The following KCNH8 variants were observed in gnomAD, a reference collection of about 807,000 sequenced individuals.
KCNH8 encodes the protein voltage-gated delayed rectifier potassium channel KCNH8.
Under a neutral mutation model 103.6 loss-of-function variants are expected in KCNH8, and 70 were observed. That is an observed-to-expected ratio of 0.68 (90% CI 0.56 to 0.82). The LOEUF is 0.82. Among genes scored for constraint, KCNH8 ranks in the 40% least tolerant of loss-of-function variants. The probability of loss-of-function intolerance (pLI) is 0.00; values close to 1 mark genes in which losing one functional copy is unlikely to be tolerated. For synonymous variants in KCNH8, 498 were observed against 489.4 expected, an observed-to-expected ratio of 1.02 and a Z score of -0.23; for missense variants, 1,217 against 1,329.9, an observed-to-expected ratio of 0.92 and a Z score of 1.32.
Position 19,533,437 on chromosome 3 carries a change from A to T in KCNH8, c.2662A>T (p.Met888Leu). The change falls in exon 16 of 16, where the codon ATG becomes TTG. Residue 888 changes from methionine (M) to leucine (L), a missense_variant. Physicochemically the swap from Met to Leu is conservative, Grantham distance 15. Around this residue, in one of 3 missense-constraint regions of KCNH8, gnomAD observed 558 missense variants for 495.8 expected, o/e 1.13. Coordinates refer to ENST00000328405, the MANE Select transcript of KCNH8 (RefSeq NM_144633.3). ...GGAAGTTTCTCAGTTGGGTAAAGAC[A>T]TGAGAAATGTGATCCAGCTTCTGGA... ...TQEVSQLGKD[M>L]RNVIQLLENV... 1 of 1,614,144 alleles carries T rather than the reference A, an allele frequency of 6.2e-7. No individual in the cohort carries two copies. Among genetic ancestry groups the T allele is most frequent in the Non-Finnish European group, 8.5e-7 (1 of 1,180,004 alleles).
At chr3:19,435,709 C>G (rs2067189070) in intron 7 of KCNH8, among the ~76,000 whole-genome samples, 1 of 152,174 alleles carries the variant, frequency 6.6e-6, no homozygotes, top group Admixed American at 6.5e-5. Flanking sequence ...TCTGATTTAA[C>G]AAGCTTATCT....
At chr3:19,368,130 TTTAA>T (rs1206687714) in intron 5 of KCNH8, among the ~76,000 whole-genome samples, 1 of 152,076 alleles carries the variant, frequency 6.6e-6, no homozygotes, top group South Asian at 2.1e-4. Flanking sequence ...TGCTAAATAC[TTTAA>T]TTATATCAGG....
Position 19,438,649 on chromosome 3 carries a change from T to A in KCNH8, c.1375+288T>A, listed in dbSNP as rs2067235744. 2.0e-5 allele frequency among the ~76,000 whole-genome samples: 3 copies of A among 152,160 alleles called. No homozygotes were observed. The South Asian group carries it at 6.2e-4, about 32-fold the overall frequency. On this transcript the variant is annotated intron_variant, in intron 8 of 15. Transcript: ENST00000328405. Reference sequence around the variant, plus strand: ...ATCATTACCTCATCCAGCTTACTGTTTTATCCTGCAAAGGTAAGATGAAGT... The same window carrying A: ...ATCATTACCTCATCCAGCTTACTGTATTATCCTGCAAAGGTAAGATGAAGT...
chr3:19,469,508 C>T (rs567952059), intron 11 of KCNH8, among the ~76,000 whole-genome samples: 2 of 152,134 alleles, frequency 1.3e-5, no homozygotes, highest in Non-Finnish European at 2.9e-5. Context: ...GGCGCGATCT[C>T]GGCTCACTGC....
intron 2 of KCNH8, among the ~76,000 whole-genome samples, chr3:19,258,968 T>G (rs1471514384): frequency 7.3e-6 from 1 of 137,342 alleles, no homozygotes; most frequent in Non-Finnish European, 1.6e-5. Context: ...TATATATATA[T>G]ATATATATAT....
chr3:19,501,655 A>C (rs981862689), intron 11 of KCNH8, among the ~76,000 whole-genome samples: 3 of 152,222 alleles, frequency 2.0e-5, no homozygotes, highest in Admixed American at 6.5e-5. Flanking sequence ...CCAGCATATA[A>C]ACAGAACCAA....
chr3:19,426,642 G>A (rs929410705), intron 7 of KCNH8, among the ~76,000 whole-genome samples: 11 of 151,610 alleles, frequency 7.3e-5, no homozygotes, highest in African/African-American at 2.7e-4. Flanking sequence ...AAATATTAGA[G>A]TGGATAGCCG....
intron 7 of KCNH8, among the ~76,000 whole-genome samples, chr3:19,432,524 C>G (rs2067138785): frequency 6.6e-6 from 1 of 152,104 alleles, no homozygotes; most frequent in Admixed American, 6.6e-5. Context: ...TTATTTTTAT[C>G]CCAAATTGTC....
At chr3:19,220,945 C>T (rs1469110264) in intron 1 of KCNH8, among the ~76,000 whole-genome samples, 8 of 152,126 alleles carry the variant, frequency 5.3e-5, no homozygotes, top group Non-Finnish European at 1.2e-4. Flanking sequence ...TTTACTTCCC[C>T]TAGTGGGAGC....
intron 7 of KCNH8, among the ~76,000 whole-genome samples, chr3:19,437,097 C>T (rs1024989202): frequency 6.6e-6 from 1 of 152,090 alleles, no homozygotes; most frequent in African/African-American, 2.4e-5. Context: ...ATTATTACTG[C>T]TTAAGAGTGT....
At chr3:19,163,431 T>C (rs2063253350) in intron 1 of KCNH8, among the ~76,000 whole-genome samples, 1 of 151,932 alleles carries the variant, frequency 6.6e-6, no homozygotes, top group African/African-American at 2.4e-5. Context: ...TTACTTTCAC[T>C]CTCAAAGCAG....
intron 3 of KCNH8, among the ~76,000 whole-genome samples, chr3:19,327,888 A>C (rs142595339): frequency 6.6e-6 from 1 of 152,208 alleles, no homozygotes; most frequent in East Asian, 1.9e-4. Context: ...TCTACTAACT[A>C]ATAGAGGGGA....
intron 11 of KCNH8, among the ~76,000 whole-genome samples, chr3:19,500,316 G>A (rs2068550368): frequency 6.6e-6 from 1 of 152,128 alleles, no homozygotes; most frequent in African/African-American, 2.4e-5. Flanking sequence ...AAGAGACTTA[G>A]ACTCCCACAC....
At chr3:19,253,085 A>G (rs1264422217) in intron 1 of KCNH8, among the ~76,000 whole-genome samples, 1 of 152,136 alleles carries the variant, frequency 6.6e-6, no homozygotes, top group Non-Finnish European at 1.5e-5. Flanking sequence ...ACTCCTCACA[A>G]TTATTTCAGG....
At chr3:19,436,314 T>A (rs1016131432) in intron 7 of KCNH8, among the ~76,000 whole-genome samples, 13 of 152,144 alleles carry the variant, frequency 8.5e-5, no homozygotes, top group Admixed American at 5.2e-4. Context: ...AAACAGGCTG[T>A]CCTAGGACAT....
At chr3:19,188,100 A>G (rs1010406936) in intron 1 of KCNH8, among the ~76,000 whole-genome samples, 5 of 152,042 alleles carry the variant, frequency 3.3e-5, no homozygotes, top group African/African-American at 1.2e-4. Context: ...TTCCTGGAAA[A>G]TAGCCCTACT....
intron 1 of KCNH8, among the ~76,000 whole-genome samples, chr3:19,236,769 A>G (rs756199585): frequency 7.2e-5 from 11 of 152,232 alleles, no homozygotes; most frequent in Non-Finnish European, 1.3e-4. Flanking sequence ...CAAGGAAAAA[A>G]AAAGCCAAAG....
chr3:19,534,267 C>G lies in KCNH8; in HGVS notation c.*168C>G. ...AGAACCACCTCCATGCTGTAGCAAA[C>G]AATTTCTAGATACTAGAAGCATAAT... is the stretch of plus-strand genomic sequence containing the variant. On this transcript the variant is annotated 3_prime_UTR_variant, in exon 16 of 16. Transcript: ENST00000328405. 6 of 602,734 alleles carry G rather than the reference C, an allele frequency of 1.0e-5. No individual in the cohort carries two copies. Among genetic ancestry groups the G allele is most frequent in the Non-Finnish European group, 1.8e-5 (6 of 340,688 alleles). 37.3% of individuals were successfully genotyped at this position (602,734 alleles called of 1,614,324 possible).
intron 5 of KCNH8, among the ~76,000 whole-genome samples, chr3:19,370,594 A>G (rs2066075351): frequency 6.6e-6 from 1 of 151,978 alleles, no homozygotes; most frequent in Non-Finnish European, 1.5e-5. Context: ...AAATACAAAG[A>G]CTGTATACAT....
Sources: allele counts gnomAD v4.1 joint callset (sites outside exome capture counted in the v4.1 genomes callset), GRCh38; gene constraint gnomAD v4.1.1; regional missense constraint gnomAD v4.1.1; transcripts MANE v1.5; gene names NCBI Gene and HGNC (gene_info 2026-07-23, HGNC 2026-07-21).